ERCC6L2: variants seen among roughly 807,000 people sequenced by gnomAD.
ERCC6L2 encodes the protein ERCC excision repair 6 like 2.
In ERCC6L2, 77 loss-of-function variants were observed where a neutral mutation model predicts 132.0. The ratio of observed to expected loss-of-function variants is 0.58; its 90% CI spans 0.49 to 0.71. ERCC6L2 has a LOEUF of 0.71. ERCC6L2 is among the 30% of genes least tolerant of loss of function. The pLI is 0.00. For synonymous variants in ERCC6L2, 583 were observed against 632.4 expected (o/e 0.92, Z 1.17); for missense variants, 1,542 against 1,837.6 (o/e 0.84, Z 2.94).
chr9:96,004,698 G>T lies in ERCC6L2; in HGVS notation c.3671G>T (p.Arg1224Leu), dbSNP rs369846292. The T allele has an allele frequency of 3.7e-6, 5 of 1,338,016 alleles. No homozygotes were observed. In the African/African-American group the frequency reaches 6.0e-5, roughly 16 times the overall value. The allele number at this position is 1,338,016 out of a possible 1,614,324, so 82.9% of individuals were successfully genotyped here. A position where few individuals can be genotyped will look rare whatever the true frequency, so the allele number is the denominator to read the frequency against. ...ATTGGAGAAACACCAAAAGGAATCCGCAGGTATATTGTCTCTGACAATACT... is the reference window on the plus strand; with the variant it reads ...ATTGGAGAAACACCAAAAGGAATCCTCAGGTATATTGTCTCTGACAATACT... ...FIIGETPKGI[R>L]RKQFEEMASY... The change falls in exon 18 of 19, where the codon CGC becomes CTC. Residue 1224 changes from arginine to leucine, a missense_variant. By Grantham distance (102) the Arg-to-Leu change is moderately radical (BLOSUM62 -2). This residue lies in a region of ERCC6L2 where 442 missense variants were observed against 583.4 expected (regional missense o/e 0.76). Coordinates refer to ENST00000653738, the MANE Select transcript of ERCC6L2 (RefSeq NM_020207.7).
chr9:95,918,043 A>T lies in ERCC6L2; in HGVS notation c.1158+1609A>T, dbSNP rs975177701. The T allele has an allele frequency of 6.9e-5, 12 of 173,280 alleles. 1 individual carries two copies. In the South Asian group the frequency reaches 8.5e-4, roughly 12 times the overall value. The allele number at this position is 173,280 out of a possible 1,614,324, so 10.7% of individuals were successfully genotyped here. On this transcript the variant is annotated intron_variant, in intron 6 of 18. Coordinates refer to ENST00000653738, the MANE Select transcript of ERCC6L2 (RefSeq NM_020207.7). ...TAAATATTTTATATAAACATTTTTT[A>T]AAAATCTAGCATCAGGAGGGGGCAG...
chr9:95,976,229 C>T (rs773392672), intron 16 of ERCC6L2, among the ~76,000 whole-genome samples: 5 of 152,142 alleles, frequency 3.3e-5, no homozygotes, highest in Non-Finnish European at 5.9e-5. Flanking sequence ...TTGCTTTGCT[C>T]TAGGTCTTTT....
chr9:95,897,202 G>A (rs1043496760), intron 2 of ERCC6L2, among the ~76,000 whole-genome samples: 1 of 152,124 alleles, frequency 6.6e-6, no homozygotes, highest in Admixed American at 6.5e-5. Context: ...AGAGGTTAAC[G>A]CCCTTGCCTA....
chr9:96,025,928 C>T (rs978393108), intron 19 of ERCC6L2: 6 of 151,996 alleles, frequency 3.9e-5, no homozygotes, highest in Non-Finnish European at 4.4e-5. Flanking sequence ...TGTTGTTGGT[C>T]GATATTGGAG....
At chr9:95,953,533 C>T (rs1831445839) in intron 12 of ERCC6L2, among the ~76,000 whole-genome samples, 1 of 150,380 alleles carries the variant, frequency 6.6e-6, no homozygotes, top group Non-Finnish European at 1.5e-5. Flanking sequence ...CTAGATTGAG[C>T]CATTGCACTC....
intron 17 of ERCC6L2, among the ~76,000 whole-genome samples, chr9:95,986,935 G>A (rs1049559479): frequency 6.6e-6 from 1 of 152,176 alleles, no homozygotes; most frequent in Non-Finnish European, 1.5e-5. Context: ...CACAATCATG[G>A]TGGAAGGTGA....
At chr9:95,900,386 C>CAA (rs201613057) in intron 3 of ERCC6L2, among the ~76,000 whole-genome samples, 1 of 138,000 alleles carries the variant, frequency 7.2e-6, no homozygotes, top group South Asian at 2.3e-4. Flanking sequence ...GACCCTGTCT[C>CAA]AAAAAAAAAA....
At position 95,972,075 on chromosome 9, in the gene ERCC6L2, C is replaced by A. The variant is rs1832438652; in HGVS notation, c.2324C>A (p.Ala775Glu). 1 of 1,304,152 alleles carries A rather than the reference C, an allele frequency of 7.7e-7. No individual in the cohort carries two copies. The highest frequency in any genetic ancestry group is 1.5e-5 in the African/African-American group (1 of 65,848). The allele number at this position is 1,304,152 out of a possible 1,614,324, so 80.8% of individuals were successfully genotyped here. The change falls in exon 16 of 19, where the codon GCA (alanine) becomes GAA (glutamate). Residue 775 changes from alanine (A) to glutamate (E), a missense_variant. By Grantham distance (107) the Ala-to-Glu change is moderately radical. Around this residue, in one of 4 missense-constraint regions of ERCC6L2, gnomAD observed 945 missense variants for 1,105.2 expected, o/e 0.86. Transcript: ENST00000653738. ...ATGIKTAKNK[A>E]PDSSKASSSP... The stretch of plus-strand genomic sequence containing the variant: ...GGAATAAAGACTGCCAAAAACAAAG[C>A]ACCCGATTCAAGTAAAGCTTCCAGC...
chr9:95,917,297 A>G (rs1037865040), intron 6 of ERCC6L2, among the ~76,000 whole-genome samples: 1 of 152,224 alleles, frequency 6.6e-6, no homozygotes, highest in Non-Finnish European at 1.5e-5. Flanking sequence ...TTAAAAAAAT[A>G]TAGTAGTCTT....
chr9:95,971,837 G>C, intron 15 of ERCC6L2, 96 bp from the exon 16 acceptor site: 1 of 612,560 alleles, frequency 1.6e-6, no homozygotes. Flanking sequence ...TGATATACTT[G>C]TACCTAAATT....
At chr9:95,886,962 C>T (rs1037907839) in intron 2 of ERCC6L2, among the ~76,000 whole-genome samples, 41 of 152,210 alleles carry the variant, frequency 2.7e-4, no homozygotes, top group African/African-American at 8.7e-4. Context: ...CCTTGAACGT[C>T]GGACTCAAGT....
chr9:96,030,269 A>C (rs547781642), intron 19 of ERCC6L2, among the ~76,000 whole-genome samples: 1 of 152,170 alleles, frequency 6.6e-6, no homozygotes, highest in African/African-American at 2.4e-5. Flanking sequence ...AGGCGGGGAC[A>C]AATAAGGCAA....
intron 2 of ERCC6L2, among the ~76,000 whole-genome samples, chr9:95,882,463 C>T (rs567351260): frequency 2.6e-5 from 4 of 152,232 alleles, no homozygotes; most frequent in Admixed American, 6.5e-5. Flanking sequence ...TTATACTAAA[C>T]GATCACTTTA....
chr9:95,930,719 C>A (rs895562410), intron 11 of ERCC6L2, among the ~76,000 whole-genome samples: 7 of 151,942 alleles, frequency 4.6e-5, no homozygotes, highest in Admixed American at 4.6e-4. Context: ...GATCTTTTTC[C>A]TGGATCCCGT....
rs1271141170 is a variant in ERCC6L2 at position 95,972,602 on chromosome 9, A to T, written c.2851A>T (p.Lys951Ter). ...TGATAATAGTCGAAACACTGATGAC[A>T]AAAGAAATGGAATAATTTCAAAAAA... ...NNDNSRNTDD[K>*]RNGIISKKLS... The change falls in exon 16 of 19, where the codon AAA becomes TAA. Residue 951 changes from lysine to a stop codon, truncating the protein, a stop_gained. Coordinates refer to ENST00000653738, the MANE Select transcript of ERCC6L2 (RefSeq NM_020207.7). LOFTEE classifies it high-confidence loss of function. 7.8e-7 allele frequency: 1 copy of T among 1,289,496 alleles called. No individual in the cohort carries two copies. Among genetic ancestry groups the T allele is most frequent in the Non-Finnish European group, 1.0e-6 (1 of 988,630 alleles). The allele number at this position is 1,289,496 out of a possible 1,614,324, so 79.9% of individuals were successfully genotyped here.
intron 3 of ERCC6L2, 92 bp downstream of exon 3, chr9:95,898,063 G>A: frequency 5.3e-6 from 6 of 1,129,348 alleles, no homozygotes; most frequent in Non-Finnish European, 7.3e-6. Context: ...AAAATGTATT[G>A]GTATACATTT....
intron 3 of ERCC6L2, among the ~76,000 whole-genome samples, chr9:95,905,712 A>C (rs1828998338): frequency 6.6e-6 from 1 of 152,204 alleles, no homozygotes; most frequent in Admixed American, 6.5e-5. Context: ...AGGAACTCTC[A>C]CGTTCAGCAT....
Position 95,907,138 on chromosome 9 carries a change from TG to T in ERCC6L2, c.659del (p.Gly220AspfsTer17), listed in dbSNP as rs1162428447. The T allele has an allele frequency of 6.2e-7, 1 of 1,613,326 alleles. No homozygotes were observed. The highest frequency in any genetic ancestry group is 1.7e-5 in the Admixed American group (1 of 59,912). On this transcript the variant is annotated frameshift_variant, in exon 4 of 19. Transcript: ENST00000653738. LOFTEE classifies it high-confidence loss of function. ...CAACTGGAAGGATGAATTGGACACC[TG>T]GGGATATTTCAGAGTCACTGTTTTA... ...LYNWKDELDT[W>X]GYFRVTVLHG...
At chr9:95,930,923 A>G (rs1300881434) in intron 11 of ERCC6L2, among the ~76,000 whole-genome samples, 3 of 152,136 alleles carry the variant, frequency 2.0e-5, no homozygotes, top group Non-Finnish European at 4.4e-5. Context: ...TACTTTGTCA[A>G]GGGTATTAAT....
Sources: gnomAD v4.1 joint callset for allele counts (sites outside exome capture counted in the v4.1 genomes callset) on GRCh38, gnomAD v4.1.1 for gene constraint, gnomAD v4.1.1 regional missense constraint, MANE v1.5 for transcripts, NCBI Gene and HGNC (gene_info 2026-07-23, HGNC 2026-07-21) for gene names.